Variants in LPCAT3 observed in about 807,000 individuals in gnomAD.
LPCAT3 encodes the protein lysophosphatidylcholine acyltransferase 3.
In LPCAT3, 21 loss-of-function variants were observed where a neutral mutation model predicts 63.4. The ratio of observed to expected loss-of-function variants is 0.33; its 90% CI spans 0.23 to 0.48. The LOEUF (loss-of-function observed/expected upper bound fraction) is 0.48, where lower values mean the gene tolerates loss of function less well. Among genes scored for constraint, LPCAT3 ranks in the 20% least tolerant of loss-of-function variants. The pLI is 0.99. For missense variants in LPCAT3, 451 were observed against 590.6 expected, an observed-to-expected ratio of 0.76 and a Z score of 2.45; for synonymous variants, 242 against 227.5, an observed-to-expected ratio of 1.06 and a Z score of -0.58.
chr12:7,003,838 C>T (rs868995961), intron 1 of LPCAT3, among the ~76,000 whole-genome samples: 5 of 148,452 alleles, frequency 3.4e-5, no homozygotes, highest in East Asian at 4.1e-4. Flanking sequence ...AGGAGAATGG[C>T]GTGAACCCGG....
intron 1 of LPCAT3, among the ~76,000 whole-genome samples, chr12:7,004,260 G>A (rs886304159): frequency 3.3e-5 from 5 of 151,960 alleles, no homozygotes; most frequent in Non-Finnish European, 4.4e-5. Context: ...TAGTTTATCC[G>A]GGGCAGAGAA....
In LPCAT3 at chr12:6,977,585, C is replaced by T. The variant is rs782597754; in HGVS notation, c.1188+13G>A. 1.1e-5 allele frequency: 18 copies of T among 1,614,198 alleles called. No homozygotes were observed. The highest frequency in any genetic ancestry group is 3.3e-4 in the Middle Eastern group (2 of 6,062). On this transcript the variant is annotated intron_variant, in intron 10 of 12. Transcript: ENST00000261407. The surrounding 1 kb of genome is among the most constrained non-coding windows in gnomAD (Gnocchi z 4.5). ...CCCTTATATTCCCCTTCACCCCCACCCTGGAGGCCTACCTGTCTTTCCACA... is the reference window on the plus strand; with the variant it reads ...CCCTTATATTCCCCTTCACCCCCACTCTGGAGGCCTACCTGTCTTTCCACA...
rs1565596326 is a variant in LPCAT3 at position 6,977,792 on chromosome 12, GCA to G, written c.1041-49_1041-48del. On this transcript the variant is annotated intron_variant, in intron 9 of 12. Transcript: ENST00000261407. The surrounding 1 kb of genome is among the most constrained non-coding windows in gnomAD (Gnocchi z 4.5). Reference sequence around the variant, plus strand: ...GCGACCCTCAAACTGACTGGTCCTTGCATCCCGCCACCTGCCTCTGGGTCCTC... The same window carrying G: ...GCGACCCTCAAACTGACTGGTCCTTGTCCCGCCACCTGCCTCTGGGTCCTC... The G allele has an allele frequency of 6.2e-7, 1 of 1,609,164 alleles. No individual in the cohort carries two copies. Among genetic ancestry groups the G allele is most frequent in the Non-Finnish European group, 8.5e-7 (1 of 1,177,120 alleles).
In LPCAT3 at chr12:6,987,831, G is replaced by A. The variant is rs868967848; in HGVS notation, c.152-4292C>T. 4 of 400,542 alleles carry A rather than the reference G, an allele frequency of 1.0e-5. No homozygotes were observed. The highest frequency in any genetic ancestry group is 1.3e-4 in the South Asian group (1 of 7,956). The allele number at this position is 400,542 out of a possible 1,614,324, so 24.8% of individuals were successfully genotyped here. On this transcript the variant is annotated intron_variant, in intron 1 of 12. Transcript: ENST00000261407. This position sits in a 1 kb window ranked among gnomAD's most constrained non-coding sequence, Gnocchi z 4.1. ...AGTAAAGTCATGATGGCTTTATGAC[G>A]TTCTGAGGTATGTGAAATTGTCTGC... is the stretch of plus-strand genomic sequence containing the variant.
At chr12:6,992,337 CAAAA>C (rs1319251469) in intron 1 of LPCAT3, among the ~76,000 whole-genome samples, 1 of 149,992 alleles carries the variant, frequency 6.7e-6, no homozygotes, top group African/African-American at 2.4e-5. Flanking sequence ...AAAAAAAAAA[CAAAA>C]AAAATTTACC....
chr12:7,017,687 T>C lies in LPCAT3; in HGVS notation c.151+587A>G. 6.6e-6 allele frequency among the ~76,000 whole-genome samples: 1 copy of C among 152,144 alleles called. No homozygotes were observed. The highest frequency in any genetic ancestry group is 1.9e-4 in the East Asian group (1 of 5,202). ...TCCCAAGTCCAGCATTAAAATGATA[T>C]TCCAGGGTAAATGACAGGTAGGTGG... On this transcript the variant is annotated intron_variant, in intron 1 of 12. Transcript: ENST00000261407. The surrounding 1 kb of genome is among the most constrained non-coding windows in gnomAD (Gnocchi z 4.1).
Position 6,993,158 on chromosome 12 carries a change from C to T in LPCAT3, c.152-9619G>A, listed in dbSNP as rs150537734. Among the ~76,000 whole-genome samples the T allele has an allele frequency of 5.3e-5, 8 of 151,902 alleles. No individual in the cohort carries two copies. In the East Asian group the frequency reaches 9.7e-4, roughly 18 times the overall value. On this transcript the variant is annotated intron_variant, in intron 1 of 12. Coordinates refer to ENST00000261407, the MANE Select transcript of LPCAT3 (RefSeq NM_005768.6). Reference sequence around the variant, plus strand: ...TTTTTTAGTATATTCAAAAGGTTGTCGCCGGGCATGGTGGCTTATGCCTGT... The same window carrying T: ...TTTTTTAGTATATTCAAAAGGTTGTTGCCGGGCATGGTGGCTTATGCCTGT...
chr12:7,003,783 G>A (rs61433395), intron 1 of LPCAT3, among the ~76,000 whole-genome samples: 9,921 of 151,352 alleles, frequency 0.066, 417 homozygotes, highest in African/African-American at 0.096. Context: ...TTAGCCGGGC[G>A]CGGTGGCGGG....
intron 1 of LPCAT3, among the ~76,000 whole-genome samples, chr12:7,006,797 TTA>T (rs1294885482): frequency 2.0e-5 from 3 of 152,202 alleles, no homozygotes; most frequent in Admixed American, 2.0e-4. Flanking sequence ...CTCTGCTGGC[TTA>T]TAAACAGTAG....
At chr12:6,981,949 TCTC>T (rs782245676) in intron 3 of LPCAT3, 45 bp from the exon 4 acceptor site, 3 of 962,020 alleles carry the variant, frequency 3.1e-6, no homozygotes, top group African/African-American at 1.6e-5. Context: ...TACTATTTCT[TCTC>T]CTTGCTCTGA....
Position 7,018,272 on chromosome 12 carries a change from AC to A in LPCAT3, c.151+1del. ...GGCGGAGGGAGGCAGGAGGGTCCTT[AC>A]CCAGGAAGATGGAGATGATCAGCCG... On this transcript the variant is annotated splice_donor_variant, in intron 1 of 12. Transcript: ENST00000261407. LOFTEE classifies it high-confidence loss of function. This position sits in a 1 kb window ranked among gnomAD's most constrained non-coding sequence, Gnocchi z 4.9. 1 of 1,598,332 alleles carries A rather than the reference AC, an allele frequency of 6.3e-7. No homozygotes were observed. The highest frequency in any genetic ancestry group is 1.1e-5 in the South Asian group (1 of 88,424).
At chr12:7,007,667 G>C (rs1946736812) in intron 1 of LPCAT3, among the ~76,000 whole-genome samples, 1 of 149,876 alleles carries the variant, frequency 6.7e-6, no homozygotes, top group Non-Finnish European at 1.5e-5. Flanking sequence ...GCTAATTTTT[G>C]TATTTTTAGT....
intron 1 of LPCAT3, among the ~76,000 whole-genome samples, chr12:6,984,212 A>G (rs1946500247): frequency 6.6e-6 from 1 of 152,244 alleles, no homozygotes. Context: ...AATCCATTTA[A>G]GTATACTAAA....
rs782112048 is a variant in LPCAT3, at chr12:6,988,121, T to C, written c.152-4582A>G. 3.3e-5 allele frequency: 9 copies of C among 269,254 alleles called. No homozygotes were observed. In the South Asian group the frequency reaches 1.4e-3, roughly 41 times the overall value. The allele number at this position is 269,254 out of a possible 1,614,324, so 16.7% of individuals were successfully genotyped here. A position where few individuals can be genotyped will look rare whatever the true frequency, so the allele number is the denominator to read the frequency against. On this transcript the variant is annotated intron_variant, in intron 1 of 12. Coordinates refer to ENST00000261407, the MANE Select transcript of LPCAT3 (RefSeq NM_005768.6). ...CCTTATGGACTTAGGCCTGGTAACA[T>C]CTGTTCTGGCCACTTAGAGGCCTTG...
At chr12:6,980,888 C>G (rs782664006) in intron 6 of LPCAT3, 116 bp downstream of exon 6, 13 of 1,020,814 alleles carry the variant, frequency 1.3e-5, no homozygotes, top group Middle Eastern at 6.6e-4. Context: ...CAGTCCAGGG[C>G]CTGCATGACT....
In LPCAT3 at chr12:7,016,099, A is replaced by ATTT. The variant is rs1201316145; in HGVS notation, c.151+2172_151+2174dup. 8.4e-5 allele frequency among the ~76,000 whole-genome samples: 12 copies of ATTT among 143,582 alleles called. No homozygotes were observed. In the Admixed American group the frequency reaches 8.4e-4, roughly 10 times the overall value. 94.2% of individuals were successfully genotyped at this position (143,582 alleles called of 152,430 possible). A position where few individuals can be genotyped will look rare whatever the true frequency, so the allele number is the denominator to read the frequency against. Reference sequence around the variant, plus strand: ...TTTCCTAACTAATGAATGTAATACAATTTTTTTTTTTTTTTGAGACAGGGT... The same window carrying ATTT: ...TTTCCTAACTAATGAATGTAATACAATTTTTTTTTTTTTTTTTTGAGACAGGGT... On this transcript the variant is annotated intron_variant, in intron 1 of 12. Transcript: ENST00000261407.
intron 1 of LPCAT3, among the ~76,000 whole-genome samples, chr12:7,000,812 T>C (rs1413800758): frequency 1.3e-5 from 2 of 151,628 alleles, no homozygotes; most frequent in African/African-American, 4.8e-5. Flanking sequence ...GTTCACGCCA[T>C]TCTCCTGCCT....
chr12:6,980,933 A>G, intron 6 of LPCAT3, 71 bp downstream of exon 6: 2 of 1,408,184 alleles, frequency 1.4e-6, no homozygotes, highest in Non-Finnish European at 1.9e-6. Context: ...TGGAGAATGC[A>G]GCTTTCAGAA....
intron 1 of LPCAT3, among the ~76,000 whole-genome samples, chr12:7,014,174 G>A (rs1946782873): frequency 6.6e-6 from 1 of 152,130 alleles, no homozygotes; most frequent in Admixed American, 6.5e-5. Flanking sequence ...AATTTATTGG[G>A]GTTATTAGTA....
Sources: allele counts gnomAD v4.1 joint callset (sites outside exome capture counted in the v4.1 genomes callset), GRCh38; gene constraint gnomAD v4.1.1; non-coding constraint Gnocchi (gnomAD v3.1); transcripts MANE v1.5; gene names NCBI Gene and HGNC (gene_info 2026-07-23, HGNC 2026-07-21).